CTNNA2: variants seen among roughly 807,000 people sequenced by gnomAD.
The protein encoded by CTNNA2 is catenin alpha-2.
A neutral mutation model predicts 101.0 loss-of-function variants in CTNNA2; 42 were observed. The ratio of observed to expected loss-of-function variants is 0.42; its 90% CI spans 0.32 to 0.54. CTNNA2 has a LOEUF of 0.54. Among genes scored for constraint, CTNNA2 ranks in the 20% least tolerant of loss-of-function variants. CTNNA2 has a pLI of 0.14. For missense variants in CTNNA2, 871 were observed against 1,223.1 expected (o/e 0.71, Z 4.29); for synonymous variants, 450 against 456.4 (o/e 0.99, Z 0.18).
chr2:79,328,009 T>C (rs1676785890), intron 3 of CTNNA2, among the ~76,000 whole-genome samples: 1 of 152,066 alleles, frequency 6.6e-6, no homozygotes, highest in Non-Finnish European at 1.5e-5. Flanking sequence ...AGGAAACCAC[T>C]TCTTGGGAGT....
At chr2:80,561,022 G>A (rs1378756590) in intron 12 of CTNNA2, among the ~76,000 whole-genome samples, 3 of 152,204 alleles carry the variant, frequency 2.0e-5, no homozygotes, top group South Asian at 4.1e-4. Context: ...GTATCAATGG[G>A]AAATCATCTG....
intron 2 of CTNNA2, among the ~76,000 whole-genome samples, chr2:79,241,138 C>A (rs1674620285): frequency 6.6e-6 from 1 of 152,152 alleles, no homozygotes; most frequent in South Asian, 2.1e-4. Context: ...CAAATTGATC[C>A]ATTGTATTCA....
intron 4 of CTNNA2, among the ~76,000 whole-genome samples, chr2:79,385,672 C>G (rs35382112): frequency 0.2 from 30,569 of 151,834 alleles, 3,844 homozygotes; most frequent in Non-Finnish European, 0.27. Flanking sequence ...TCCTAATGCT[C>G]TCCCTCCCCT....
chr2:79,734,152 G>GA (rs1687372141), intron 2 of CTNNA2, among the ~76,000 whole-genome samples: 2 of 152,174 alleles, frequency 1.3e-5, no homozygotes, highest in South Asian at 4.1e-4. Flanking sequence ...TTTGGAATTT[G>GA]AAAAAGAGGA....
At chr2:79,339,719 G>A (rs1472440648) in intron 3 of CTNNA2, 1 of 152,278 alleles carries the variant, frequency 6.6e-6, no homozygotes, top group Non-Finnish European at 1.5e-5. Context: ...TCTAACTTCA[G>A]TTGAGGAAGA....
intron 3 of CTNNA2, among the ~76,000 whole-genome samples, chr2:79,324,836 C>G (rs919020198): frequency 6.6e-6 from 1 of 152,114 alleles, no homozygotes; most frequent in Non-Finnish European, 1.5e-5. Context: ...CTGTCCATTC[C>G]TAAGCATAGC....
intron 2 of CTNNA2, among the ~76,000 whole-genome samples, chr2:79,232,441 G>A (rs1266102708): frequency 1.3e-5 from 2 of 152,044 alleles, no homozygotes; most frequent in African/African-American, 4.8e-5. Context: ...CTTTTCATGT[G>A]CTTCTGGATT....
chr2:79,956,936 A>T (rs900019956), intron 7 of CTNNA2, among the ~76,000 whole-genome samples: 23 of 148,702 alleles, frequency 1.5e-4, no homozygotes, highest in African/African-American at 5.5e-4. Context: ...GATCTAGTGC[A>T]GAATGATGAG....
chr2:80,134,024 T>C (rs1702557315), intron 7 of CTNNA2, among the ~76,000 whole-genome samples: 1 of 152,158 alleles, frequency 6.6e-6, no homozygotes, highest in South Asian at 2.1e-4. Context: ...TACGTGACAA[T>C]GACTGGCTCA....
intron 7 of CTNNA2, among the ~76,000 whole-genome samples, chr2:80,222,713 C>T (rs1267594832): frequency 1.3e-5 from 2 of 152,176 alleles, no homozygotes. Context: ...TTTGTCATCT[C>T]ATTGTAAATA....
At chr2:79,289,525 G>A (rs552436803) in intron 2 of CTNNA2, among the ~76,000 whole-genome samples, 1 of 152,104 alleles carries the variant, frequency 6.6e-6, no homozygotes, top group African/African-American at 2.4e-5. Context: ...ACTTTGGGAG[G>A]CCGAGGCGGG....
At chr2:80,065,682 C>T (rs1318571826) in intron 7 of CTNNA2, among the ~76,000 whole-genome samples, 6 of 152,070 alleles carry the variant, frequency 3.9e-5, no homozygotes, top group South Asian at 2.1e-4. Flanking sequence ...TGTTTGCCTT[C>T]GTTCCATAAA....
At position 80,562,268 on chromosome 2, in the gene CTNNA2, GCT is replaced by G. The variant is rs58910192; in HGVS notation, c.1741+6381_1741+6382del. Among the ~76,000 whole-genome samples, 213 of 152,240 alleles carry G rather than the reference GCT, an allele frequency of 1.4e-3. 1 individual carries two copies. The highest frequency in any genetic ancestry group is 2.6e-3 in the Non-Finnish European group (178 of 68,024). On this transcript the variant is annotated intron_variant, in intron 12 of 18. Coordinates refer to ENST00000402739, the MANE Select transcript of CTNNA2 (RefSeq NM_001282597.3). Reference sequence around the variant, plus strand: ...TTCTCCCACAATTCAGACATGGTCAGCTCTCTCAGCATAAGAGGCTGAAGAAC... The same window carrying G: ...TTCTCCCACAATTCAGACATGGTCAGCTCTCAGCATAAGAGGCTGAAGAAC...
intron 7 of CTNNA2, among the ~76,000 whole-genome samples, chr2:79,974,396 C>T (rs1282788680): frequency 6.6e-6 from 1 of 152,114 alleles, no homozygotes. Flanking sequence ...TTATTTCAGG[C>T]ACCATTTTCT....
intron 18 of CTNNA2, among the ~76,000 whole-genome samples, chr2:80,641,265 G>C (rs1213108336): frequency 6.6e-6 from 1 of 152,052 alleles, no homozygotes; most frequent in Non-Finnish European, 1.5e-5. Flanking sequence ...CTTAGCCAGC[G>C]GTCCCATGAC....
At chr2:80,426,105 A>C (rs1416046561) in intron 9 of CTNNA2, among the ~76,000 whole-genome samples, 1 of 152,150 alleles carries the variant, frequency 6.6e-6, no homozygotes, top group Non-Finnish European at 1.5e-5. Flanking sequence ...ATTTCCTCTC[A>C]TCTTCAGAAT....
intron 1 of CTNNA2, among the ~76,000 whole-genome samples, chr2:79,538,123 A>G (rs2103972773): frequency 6.6e-6 from 1 of 152,330 alleles, no homozygotes; most frequent in East Asian, 1.9e-4. Context: ...TGTAAAAAAC[A>G]AAGATAAAAC....
chr2:79,599,989 G>A (rs1216705253), intron 1 of CTNNA2, among the ~76,000 whole-genome samples: 2 of 152,208 alleles, frequency 1.3e-5, no homozygotes, highest in Non-Finnish European at 2.9e-5. Flanking sequence ...ACAGGTCTAA[G>A]TTTCTCCACA....
At chr2:79,465,338 T>A (rs1424811595) in intron 4 of CTNNA2, among the ~76,000 whole-genome samples, 1 of 152,208 alleles carries the variant, frequency 6.6e-6, no homozygotes, top group East Asian at 1.9e-4. Context: ...GTTCCATTGA[T>A]CTCTATTTCT....
Sources: allele counts gnomAD v4.1 joint callset (sites outside exome capture counted in the v4.1 genomes callset), GRCh38; gene constraint gnomAD v4.1.1; transcripts MANE v1.5; gene names NCBI Gene and HGNC (gene_info 2026-07-23, HGNC 2026-07-21).